DIXDC1: variants seen among roughly 807,000 people sequenced by gnomAD.
The protein encoded by DIXDC1 is DIX domain containing 1.
In DIXDC1, 64 loss-of-function variants were observed where a neutral mutation model predicts 103.1. The observed-to-expected ratio is 0.62, with a 90% CI of 0.51 to 0.76. The LOEUF is 0.76. Among genes scored for constraint, DIXDC1 ranks in the 30% least tolerant of loss-of-function variants. The pLI, the probability that DIXDC1 is intolerant of heterozygous loss-of-function variation, is 0.00. For missense variants in DIXDC1, 759 were observed against 834.2 expected (o/e 0.91, Z 1.11); for synonymous variants, 266 against 298.5 (o/e 0.89, Z 1.12).
At chr11:111,982,239 A>G in intron 6 of DIXDC1, 100 bp from the exon 7 acceptor site, 1 of 1,319,128 alleles carries the variant, frequency 7.6e-7, no homozygotes, top group Non-Finnish European at 1.0e-6. Context: ...CAGGTTCAGA[A>G]CGCAGGTGAC....
At position 111,993,607 on chromosome 11, in the gene DIXDC1, A is replaced by G. The variant is rs1404206359; in HGVS notation, c.1365+19A>G. Reference sequence around the variant, plus strand: ...CCACCAGGTCAGAACATATTCAGCCACTGACTTCCCTGCCTCTTTGGCCCA... The same window carrying G: ...CCACCAGGTCAGAACATATTCAGCCGCTGACTTCCCTGCCTCTTTGGCCCA... On this transcript the variant is annotated intron_variant, in intron 13 of 19. Coordinates refer to ENST00000440460, the MANE Select transcript of DIXDC1 (RefSeq NM_001037954.4). The G allele has an allele frequency of 3.1e-6, 5 of 1,613,922 alleles. No individual in the cohort carries two copies. The highest frequency in any genetic ancestry group is 4.2e-6 in the Non-Finnish European group (5 of 1,179,902).
chr11:111,975,164 A>G (rs1860057667), intron 5 of DIXDC1, 181 bp downstream of exon 5: 1 of 1,405,582 alleles, frequency 7.1e-7, no homozygotes, highest in Admixed American at 2.7e-5. Context: ...GTAGGAAGGT[A>G]GGGTGGGGTG....
chr11:111,932,972 C>A (rs1313936491), upstream of DIXDC1, among the ~76,000 whole-genome samples: 1 of 152,028 alleles, frequency 6.6e-6, no homozygotes, highest in African/African-American at 2.4e-5. Context: ...TTTAATGAAA[C>A]AATGTATGAA....
At chr11:111,973,063 C>T (rs1311765680) in intron 3 of DIXDC1, among the ~76,000 whole-genome samples, 1 of 148,210 alleles carries the variant, frequency 6.7e-6, no homozygotes, top group Admixed American at 6.8e-5. Context: ...TTTCTAATAG[C>T]CACATCATAA....
At position 112,017,759 on chromosome 11, in the gene DIXDC1, T is replaced by C. The variant is rs781969517; in HGVS notation, c.1863-18T>C. ...ATTGATCAACAGTCTATTTTAGTGC[T>C]CTCTCCTTGTGTTGCAGGTTGGAGG... On this transcript the variant is annotated intron_variant, in intron 18 of 19. Transcript: ENST00000440460. The surrounding 1 kb of genome is among the most constrained non-coding windows in gnomAD (Gnocchi z 4.0). 1.9e-6 allele frequency: 3 copies of C among 1,590,716 alleles called. No homozygotes were observed. The highest frequency in any genetic ancestry group is 2.2e-5 in the East Asian group (1 of 44,512).
chr11:111,972,112 C>T (rs1859956229), intron 3 of DIXDC1, among the ~76,000 whole-genome samples: 1 of 152,082 alleles, frequency 6.6e-6, no homozygotes. Flanking sequence ...GTACCACCTG[C>T]TTCTAAAACA....
At chr11:111,948,760 G>A (rs587703132) in intron 1 of DIXDC1, among the ~76,000 whole-genome samples, 2 of 151,542 alleles carry the variant, frequency 1.3e-5, no homozygotes, top group Admixed American at 1.3e-4. Context: ...TCATAGGAAG[G>A]AATGACTTGA....
At chr11:111,980,630 GT>G (rs1860264702) in intron 5 of DIXDC1, 106 bp from the exon 6 acceptor site, 2 of 788,084 alleles carry the variant, frequency 2.5e-6, no homozygotes, top group South Asian at 1.8e-5. Flanking sequence ...CCATGGAGGA[GT>G]AAGATGAATA....
At chr11:111,932,496 G>A (rs1047796415), upstream of DIXDC1, among the ~76,000 whole-genome samples, 4 of 151,482 alleles carry the variant, frequency 2.6e-5, no homozygotes, top group East Asian at 7.8e-4. Flanking sequence ...TGAGGCAGGA[G>A]AATGGCGTGA....
chr11:112,018,830 A>G, intron 19 of DIXDC1, 126 bp from the exon 20 acceptor site: 1 of 695,444 alleles, frequency 1.4e-6, no homozygotes, highest in Non-Finnish European at 2.4e-6. Flanking sequence ...GACAAGACCA[A>G]AAGGACATAG....
intron 1 of DIXDC1, among the ~76,000 whole-genome samples, chr11:111,963,361 A>G (rs1859636216): frequency 6.6e-6 from 1 of 152,198 alleles, no homozygotes; most frequent in African/African-American, 2.4e-5. Context: ...ACAGTTTGTC[A>G]GTGGCTGATG....
rs1555177930 is a variant in DIXDC1, at chr11:112,017,829, A to G, written c.1915A>G (p.Asn639Asp). The change falls in exon 19 of 20, where the codon AAT (asparagine) becomes GAT (aspartate). Residue 639 changes from asparagine (N) to aspartate (D), a missense_variant. Asn to Asp is a conservative substitution (Grantham distance 23). Around this residue, in one of 3 missense-constraint regions of DIXDC1, gnomAD observed 657 missense variants for 727.5 expected, o/e 0.90. Coordinates refer to ENST00000440460, the MANE Select transcript of DIXDC1 (RefSeq NM_001037954.4). This position sits in a 1 kb window ranked among gnomAD's most constrained non-coding sequence, Gnocchi z 4.0. ...TAAAGCAGCTATTGATCGGGAAGGA[A>G]ATCACCGGTATCACTTCAAAGCACT... ...DFKAAIDREG[N>D]HRYHFKALDP... 1.2e-6 allele frequency: 2 copies of G among 1,611,864 alleles called. No individual in the cohort carries two copies. The highest frequency in any genetic ancestry group is 1.7e-6 in the Non-Finnish European group (2 of 1,178,780).
At chr11:112,008,279 A>G (rs918600843) in intron 17 of DIXDC1, among the ~76,000 whole-genome samples, 2 of 152,214 alleles carry the variant, frequency 1.3e-5, no homozygotes, top group African/African-American at 2.4e-5. Context: ...CTAAATTTAT[A>G]TGCACCCAAT....
chr11:111,962,696 T>G (rs1859621508), intron 1 of DIXDC1, among the ~76,000 whole-genome samples: 1 of 152,198 alleles, frequency 6.6e-6, no homozygotes, highest in South Asian at 2.1e-4. Context: ...TAACAGATTT[T>G]AAGCAGGAAT....
intron 17 of DIXDC1, among the ~76,000 whole-genome samples, chr11:112,010,715 T>C (rs1555177130): frequency 1.3e-5 from 2 of 152,218 alleles, no homozygotes; most frequent in Non-Finnish European, 2.9e-5. Context: ...GATTCCCTGT[T>C]TAATAAATGG....
intron 14 of DIXDC1, 57 bp from the exon 15 acceptor site, chr11:111,994,962 G>T: frequency 6.7e-7 from 1 of 1,488,450 alleles, no homozygotes; most frequent in Non-Finnish European, 9.3e-7. Context: ...AAATAAGATA[G>T]CACATCTGGT....
At chr11:111,989,978 G>A (rs1860644421) in intron 10 of DIXDC1, among the ~76,000 whole-genome samples, 1 of 150,430 alleles carries the variant, frequency 6.6e-6, no homozygotes. Context: ...TTTTAGTAGA[G>A]ACGGGGTTTC....
intron 1 of DIXDC1, among the ~76,000 whole-genome samples, chr11:111,941,249 T>C (rs1966406160): frequency 6.6e-6 from 1 of 152,096 alleles, no homozygotes; most frequent in South Asian, 2.1e-4. Context: ...CCACAGTAGA[T>C]GTTCAGAGTG....
chr11:112,008,823 T>G (rs1861320746), intron 17 of DIXDC1, among the ~76,000 whole-genome samples: 1 of 152,124 alleles, frequency 6.6e-6, no homozygotes, highest in Non-Finnish European at 1.5e-5. Flanking sequence ...AGAGGGAAAT[T>G]TTTAGCACTA....
Sources: allele counts gnomAD v4.1 joint callset (sites outside exome capture counted in the v4.1 genomes callset), GRCh38; gene constraint gnomAD v4.1.1; regional missense constraint gnomAD v4.1.1; non-coding constraint Gnocchi (gnomAD v3.1); transcripts MANE v1.5; gene names NCBI Gene and HGNC (gene_info 2026-07-23, HGNC 2026-07-21).